CYSTM1: variants seen among roughly 807,000 people sequenced by gnomAD.
CYSTM1 encodes cysteine-rich transmembrane module-containing protein 1.
In CYSTM1, 4 loss-of-function variants were observed where a neutral mutation model predicts 13.1. The observed-to-expected ratio is 0.31, with a 90% CI of 0.15 to 0.70. The LOEUF is 0.70. Ranked by LOEUF, CYSTM1 falls within the 30% of genes least tolerant of loss-of-function variation. CYSTM1 has a pLI of 0.72. For synonymous variants in CYSTM1, 36 were observed against 42.7 expected (o/e 0.84, Z 0.62); for missense variants, 96 against 121.6 (o/e 0.79, Z 0.99).
intron 1 of CYSTM1, among the ~76,000 whole-genome samples, chr5:140,184,505 T>TA (rs1482754178): frequency 6.6e-6 from 1 of 152,092 alleles, no homozygotes; most frequent in Non-Finnish European, 1.5e-5. Flanking sequence ...GGGTTTTACT[T>TA]AAAAATATGT....
chr5:140,181,424 AT>A (rs1228450604), intron 1 of CYSTM1, among the ~76,000 whole-genome samples: 1 of 152,044 alleles, frequency 6.6e-6, no homozygotes, highest in Admixed American at 6.6e-5. Flanking sequence ...TGTTGAACTA[AT>A]TTTTGGTGGC....
intron 2 of CYSTM1, among the ~76,000 whole-genome samples, chr5:140,242,896 AAGG>A (rs1266246515): frequency 6.6e-6 from 1 of 152,236 alleles, no homozygotes; most frequent in African/African-American, 2.4e-5. Flanking sequence ...CCCCCTTTAA[AAGG>A]AGATTTTAAT....
At chr5:140,226,909 C>T (rs961246285) in intron 2 of CYSTM1, among the ~76,000 whole-genome samples, 26 of 151,918 alleles carry the variant, frequency 1.7e-4, no homozygotes, top group African/African-American at 6.0e-4. Context: ...AAGTTCCTGA[C>T]AAGGGTCCTG....
chr5:140,228,081 C>T (rs1263002927), intron 2 of CYSTM1, among the ~76,000 whole-genome samples: 1 of 152,202 alleles, frequency 6.6e-6, no homozygotes, highest in Non-Finnish European at 1.5e-5. Flanking sequence ...ATTTACCCAA[C>T]TGGACTCACC....
chr5:140,205,183 C>T (rs1252490375), intron 2 of CYSTM1, among the ~76,000 whole-genome samples: 2 of 152,224 alleles, frequency 1.3e-5, no homozygotes, highest in African/African-American at 4.8e-5. Flanking sequence ...CCTTTTGGGC[C>T]CACCGGGCCA....
intron 2 of CYSTM1, among the ~76,000 whole-genome samples, chr5:140,240,328 C>T (rs910420652): frequency 1.5e-4 from 23 of 151,928 alleles, no homozygotes; most frequent in Non-Finnish European, 3.2e-4. Flanking sequence ...CATAGTTCTG[C>T]CTGCTTTTTG....
At chr5:140,191,401 G>C (rs1214493602) in intron 1 of CYSTM1, among the ~76,000 whole-genome samples, 1 of 152,184 alleles carries the variant, frequency 6.6e-6, no homozygotes, top group East Asian at 1.9e-4. Context: ...CAGGCAGTTG[G>C]AGAAAGATAC....
chr5:140,214,287 C>A (rs1764403184), intron 2 of CYSTM1, among the ~76,000 whole-genome samples: 2 of 152,192 alleles, frequency 1.3e-5, no homozygotes, highest in African/African-American at 4.8e-5. Flanking sequence ...TTGGATTTTT[C>A]CATCTTCTTG....
At chr5:140,177,074 A>AAAAAACAAAAAAAAAACAAAC (rs1357845710) in intron 1 of CYSTM1, among the ~76,000 whole-genome samples, 7 of 150,414 alleles carry the variant, frequency 4.7e-5, no homozygotes, top group African/African-American at 1.7e-4. Context: ...GTCTCAAAAA[A>AAAAAACAAAAAAAAAACAAAC]AAAAAAAAAA....
intron 1 of CYSTM1, among the ~76,000 whole-genome samples, chr5:140,176,070 A>T (rs755364258): frequency 1.5e-4 from 23 of 152,108 alleles, no homozygotes; most frequent in Non-Finnish European, 2.8e-4. Context: ...GGGGAAAAAA[A>T]GTTTGGAGAA....
chr5:140,178,249 A>G (rs555891742), intron 1 of CYSTM1, among the ~76,000 whole-genome samples: 1 of 152,186 alleles, frequency 6.6e-6, no homozygotes, highest in South Asian at 2.1e-4. Flanking sequence ...ACTTTCTTTG[A>G]CCTTGAATGC....
intron 2 of CYSTM1, among the ~76,000 whole-genome samples, chr5:140,242,252 C>T (rs1764758840): frequency 6.6e-6 from 1 of 152,172 alleles, no homozygotes; most frequent in South Asian, 2.1e-4. Flanking sequence ...CAGTAGAGGG[C>T]AGCTGATACA....
chr5:140,217,662 G>A (rs1764444663), intron 2 of CYSTM1, among the ~76,000 whole-genome samples: 1 of 152,196 alleles, frequency 6.6e-6, no homozygotes, highest in African/African-American at 2.4e-5. Context: ...GAAGTGGAGT[G>A]ACTCCCTTTC....
At chr5:140,237,490 T>G (rs1449450928) in intron 2 of CYSTM1, among the ~76,000 whole-genome samples, 4 of 152,212 alleles carry the variant, frequency 2.6e-5, no homozygotes, top group Admixed American at 2.6e-4. Flanking sequence ...TTCCCTTCTT[T>G]GAACTCAGCA....
Position 140,175,770 on chromosome 5 carries a change from A to G in CYSTM1, c.-21+485A>G, listed in dbSNP as rs1017294202. 1.3e-5 allele frequency among the ~76,000 whole-genome samples: 2 copies of G among 152,164 alleles called. No homozygotes were observed. Among genetic ancestry groups the G allele is most frequent in the East Asian group, 1.9e-4 (1 of 5,176 alleles). ...GGGTGGGAGCGGAGCGGAAGTAACT[A>G]GTGACTGGAAGTAACTAGGGAACGC... is the stretch of plus-strand genomic sequence containing the variant. On this transcript the variant is annotated intron_variant, in intron 1 of 2. Transcript: ENST00000261811. This position sits in a 1 kb window ranked among gnomAD's most constrained non-coding sequence, Gnocchi z 4.9.
At chr5:140,225,844 G>C (rs542973216) in intron 2 of CYSTM1, among the ~76,000 whole-genome samples, 1 of 152,316 alleles carries the variant, frequency 6.6e-6, no homozygotes, top group Non-Finnish European at 1.5e-5. Context: ...TCTTCTCTCT[G>C]AGTGGCTTTG....
chr5:140,216,359 C>T (rs992020118), intron 2 of CYSTM1, among the ~76,000 whole-genome samples: 6 of 152,108 alleles, frequency 3.9e-5, no homozygotes, highest in Admixed American at 1.3e-4. Flanking sequence ...AGGTATGTTA[C>T]GCATACTCTC....
At chr5:140,183,623 G>A (rs37354) in intron 1 of CYSTM1, among the ~76,000 whole-genome samples, 1 of 152,110 alleles carries the variant, frequency 6.6e-6, no homozygotes, top group Non-Finnish European at 1.5e-5. Context: ...GCTCCTCCCC[G>A]ATATGGGGGT....
chr5:140,237,261 C>T (rs1764694075), intron 2 of CYSTM1, among the ~76,000 whole-genome samples: 1 of 152,224 alleles, frequency 6.6e-6, no homozygotes, highest in Non-Finnish European at 1.5e-5. Context: ...GGACCTAACA[C>T]ACAGATCTTG....
Sources: allele counts gnomAD v4.1 joint callset (sites outside exome capture counted in the v4.1 genomes callset), GRCh38; gene constraint gnomAD v4.1.1; non-coding constraint Gnocchi (gnomAD v3.1); transcripts MANE v1.5; gene names NCBI Gene and HGNC (gene_info 2026-07-23, HGNC 2026-07-21).